Variants in STRN observed in about 807,000 individuals in gnomAD.
The protein encoded by STRN is protein phosphatase 2 regulatory subunit B'''alpha.
In STRN, 53 loss-of-function variants were observed where a neutral mutation model predicts 96.3. The observed-to-expected ratio is 0.55, with a 90% CI of 0.44 to 0.69. STRN has a LOEUF of 0.69. Ranked by LOEUF, STRN falls within the 30% of genes least tolerant of loss-of-function variation. The probability of loss-of-function intolerance (pLI) is 0.00; values close to 1 mark genes in which losing one functional copy is unlikely to be tolerated. For synonymous variants in STRN, 428 were observed against 355.9 expected (o/e 1.20, Z -2.28); for missense variants, 987 against 963.9 (o/e 1.02, Z -0.32).
Position 36,864,121 on chromosome 2 carries a change from C to T in STRN, c.1548-2868G>A, listed in dbSNP as rs117387779. ...CTGCAAACAAAGACAGTTTGACTGC[C>T]TTTCTTCCTATTTGAATGCCTTTTC... On this transcript the variant is annotated intron_variant, in intron 12 of 17. Transcript: ENST00000263918. 5.8e-4 allele frequency among the ~76,000 whole-genome samples: 88 copies of T among 152,216 alleles called. No homozygotes were observed. In the East Asian group the frequency reaches 7.7e-3, roughly 13 times the overall value.
chr2:36,963,218 G>A (rs922019139), intron 1 of STRN, among the ~76,000 whole-genome samples: 1 of 152,232 alleles, frequency 6.6e-6, no homozygotes, highest in African/African-American at 2.4e-5. Flanking sequence ...AGGCAGGCCA[G>A]GCAGATGAGA....
At chr2:36,946,126 A>G (rs1295583098) in intron 1 of STRN, among the ~76,000 whole-genome samples, 1 of 152,118 alleles carries the variant, frequency 6.6e-6, no homozygotes, top group Non-Finnish European at 1.5e-5. Flanking sequence ...AATACCGGAA[A>G]TATTTCCAGT....
At chr2:36,937,757 T>C (rs577950337) in intron 1 of STRN, among the ~76,000 whole-genome samples, 1 of 151,798 alleles carries the variant, frequency 6.6e-6, no homozygotes, top group Non-Finnish European at 1.5e-5. Flanking sequence ...ACCATATTCA[T>C]TTGAGAGCAA....
At chr2:36,929,522 T>A (rs199780351) in intron 1 of STRN, among the ~76,000 whole-genome samples, 2 of 152,102 alleles carry the variant, frequency 1.3e-5, no homozygotes, top group African/African-American at 4.8e-5. Context: ...GTAGCTGGGA[T>A]TACAGGTGCA....
chr2:36,943,485 T>A lies in STRN; in HGVS notation c.235-18277A>T, dbSNP rs917098274. Among the ~76,000 whole-genome samples, 5 of 152,078 alleles carry A rather than the reference T, an allele frequency of 3.3e-5. 1 individual carries two copies. The highest frequency in any genetic ancestry group is 4.1e-4 in the South Asian group (2 of 4,832). On this transcript the variant is annotated intron_variant, in intron 1 of 17. Coordinates refer to ENST00000263918, the MANE Select transcript of STRN (RefSeq NM_003162.4). ...TATTATATTTATTAAATCATTTCAC[T>A]GTCACACAAAAACAGAAGACATAAA...
At chr2:36,958,151 C>A (rs1184428041) in intron 1 of STRN, among the ~76,000 whole-genome samples, 1 of 151,778 alleles carries the variant, frequency 6.6e-6, no homozygotes, top group Non-Finnish European at 1.5e-5. Context: ...AACTCCGGAC[C>A]TCAGGTGATC....
chr2:36,888,639 ATGTGTGTGTGTG>A (rs70946958), intron 7 of STRN, among the ~76,000 whole-genome samples: 41 of 145,230 alleles, frequency 2.8e-4, no homozygotes, highest in African/African-American at 9.5e-4. Context: ...TTTAATTTAT[ATGTGTGTGTGTG>A]TGTGTGTGTG....
intron 12 of STRN, 33 bp downstream of exon 12, chr2:36,867,781 T>C (rs1353480278): frequency 1.4e-6 from 2 of 1,406,950 alleles, no homozygotes; most frequent in South Asian, 1.4e-5. Context: ...TACAGAGATA[T>C]CGGTTTAAAA....
At chr2:36,942,240 T>C (rs1462170362) in intron 1 of STRN, among the ~76,000 whole-genome samples, 1 of 152,054 alleles carries the variant, frequency 6.6e-6, no homozygotes, top group Non-Finnish European at 1.5e-5. Context: ...TCATAATGTA[T>C]CAAAAAGGAC....
chr2:36,875,266 C>A (rs937024645), intron 10 of STRN, among the ~76,000 whole-genome samples: 1 of 152,014 alleles, frequency 6.6e-6, no homozygotes. Flanking sequence ...TCCCAGCACT[C>A]TGTGAGGCTG....
chr2:36,960,656 C>G (rs999109643), intron 1 of STRN, among the ~76,000 whole-genome samples: 1 of 152,104 alleles, frequency 6.6e-6, no homozygotes, highest in Non-Finnish European at 1.5e-5. Context: ...TCTGAGAGAT[C>G]AGAATTACGG....
At position 36,945,147 on chromosome 2, in the gene STRN, T is replaced by C. The variant is rs12104643; in HGVS notation, c.235-19939A>G. 8.6e-3 allele frequency among the ~76,000 whole-genome samples: 1,305 copies of C among 152,184 alleles called. 20 individuals are homozygous for C. Among genetic ancestry groups the C allele is most frequent in the African/African-American group, 0.03 (1,247 of 41,518 alleles). On this transcript the variant is annotated intron_variant, in intron 1 of 17. Transcript: ENST00000263918. ...TTAAAAAAAGAGAAAAATGGGACAATTGGATTTTTATAAATAAAAAACGTG... is the reference window on the plus strand; with the variant it reads ...TTAAAAAAAGAGAAAAATGGGACAACTGGATTTTTATAAATAAAAAACGTG...
At position 36,956,182 on chromosome 2, in the gene STRN, A is replaced by G. The variant is rs1664883264; in HGVS notation, c.234+10048T>C. Among the ~76,000 whole-genome samples the G allele has an allele frequency of 3.3e-5, 5 of 152,236 alleles. No homozygotes were observed. In the South Asian group the frequency reaches 1.0e-3, roughly 31 times the overall value. Reference sequence around the variant, plus strand: ...ACTGAAACTGGTTCTTGGCTTCTACAATAGGACTTATATAAATAATAAATC... The same window carrying G: ...ACTGAAACTGGTTCTTGGCTTCTACGATAGGACTTATATAAATAATAAATC... On this transcript the variant is annotated intron_variant, in intron 1 of 17. Transcript: ENST00000263918.
chr2:36,936,041 A>C (rs1670692703), intron 1 of STRN, among the ~76,000 whole-genome samples: 1 of 152,172 alleles, frequency 6.6e-6, no homozygotes, highest in Non-Finnish European at 1.5e-5. Flanking sequence ...AGACAAAAGC[A>C]AAGTAACAAA....
intron 14 of STRN, among the ~76,000 whole-genome samples, 182 bp from the exon 15 acceptor site, chr2:36,855,534 T>C (rs1668322990): frequency 1.3e-5 from 2 of 152,204 alleles, no homozygotes; most frequent in African/African-American, 4.8e-5. Flanking sequence ...TTAGCCCTAG[T>C]CTATTTATTT....
chr2:36,894,657 A>G (rs1669491821), intron 6 of STRN, among the ~76,000 whole-genome samples: 5 of 152,242 alleles, frequency 3.3e-5, no homozygotes, highest in African/African-American at 9.6e-5. Context: ...TTCTTTGAAT[A>G]AGATTTCAAT....
intron 12 of STRN, among the ~76,000 whole-genome samples, chr2:36,861,743 AC>A (rs1668487243): frequency 7.2e-6 from 1 of 138,836 alleles, no homozygotes; most frequent in Admixed American, 6.9e-5. Context: ...ACACACACAC[AC>A]ACACACACAC....
chr2:36,905,440 G>T, intron 4 of STRN, 100 bp downstream of exon 4: 1 of 1,049,034 alleles, frequency 9.5e-7, no homozygotes, highest in Non-Finnish European at 1.5e-6. Context: ...ATCTGTATGA[G>T]ATAAAATATT....
At chr2:36,855,945 G>C (rs1052217283) in intron 14 of STRN, among the ~76,000 whole-genome samples, 2 of 151,930 alleles carry the variant, frequency 1.3e-5, no homozygotes, top group African/African-American at 4.8e-5. Context: ...AACATATAAA[G>C]TGAATATAAT....
Sources: allele counts gnomAD v4.1 joint callset (sites outside exome capture counted in the v4.1 genomes callset), GRCh38; gene constraint gnomAD v4.1.1; transcripts MANE v1.5; gene names NCBI Gene and HGNC (gene_info 2026-07-23, HGNC 2026-07-21).